Variants in ARSG observed in about 807,000 individuals in gnomAD.
ARSG encodes the protein arylsulfatase G.
In ARSG, 37 loss-of-function variants were observed where a neutral mutation model predicts 50.5. That is an observed-to-expected ratio of 0.73 (90% CI 0.56 to 0.96). The LOEUF (loss-of-function observed/expected upper bound fraction) is 0.96, where lower values mean the gene tolerates loss of function less well. Ranked by LOEUF, ARSG falls within the 50% of genes least tolerant of loss-of-function variation. The pLI is 0.00. For synonymous variants in ARSG, 225 were observed against 254.6 expected (o/e 0.88, Z 1.11); for missense variants, 629 against 675.3 (o/e 0.93, Z 0.76).
At chr17:68,412,183 TG>T (rs1455503044) in intron 11 of ARSG, among the ~76,000 whole-genome samples, 10 of 150,316 alleles carry the variant, frequency 6.7e-5, no homozygotes, top group Non-Finnish European at 1.3e-4. Context: ...CTGGTTATTT[TG>T]CTCGTTAGTT....
rs782217251 is a variant in ARSG at position 68,307,648 on chromosome 17, G to C, written c.155G>C (p.Gly52Ala). The C allele has an allele frequency of 6.2e-7, 1 of 1,612,866 alleles. No homozygotes were observed. Among genetic ancestry groups the C allele is most frequent in the Non-Finnish European group, 8.5e-7 (1 of 1,178,902 alleles). ...LADDMGWGDL[G>A]ANWAETKDTA... ...GATGACATGGGGTGGGGTGACCTGG[G>C]AGCAAACTGGGCAGAAACAAAGGAC... is the stretch of plus-strand genomic sequence containing the variant. Residue 52 changes from glycine to alanine, a missense_variant, in exon 2 of 12, where the codon GGA becomes GCA. Physicochemically the swap from Gly to Ala is moderately conservative, Grantham distance 60. Transcript: ENST00000621439.
rs781944918 is a variant in ARSG, at chr17:68,271,147, A to G, written c.-552+11721A>G. ...TCCGATCCTTCCGAAAACTTCTGCA[A>G]TGGCCATCGTAGATAATAAAAAAGC... On this transcript the variant is annotated intron_variant, in intron 1 of 11. Transcript: ENST00000448504. The surrounding 1 kb of genome is among the most constrained non-coding windows in gnomAD (Gnocchi z 5.3). 1.9e-5 allele frequency: 31 copies of G among 1,614,076 alleles called. No homozygotes were observed. The highest frequency in any genetic ancestry group is 4.5e-5 in the East Asian group (2 of 44,892).
chr17:68,436,519 A>T, the ARSG span: 1 of 1,589,822 alleles, frequency 6.3e-7, no homozygotes, highest in Non-Finnish European at 8.6e-7. Context: ...CCTGGGGCCA[A>T]GGGAGAGATT....
chr17:68,405,254 G>T (rs75716213), intron 11 of ARSG, among the ~76,000 whole-genome samples: 2,372 of 149,542 alleles, frequency 0.016, 74 homozygotes, highest in African/African-American at 0.055. Context: ...GATAAGGATT[G>T]TACTGAACCT....
chr17:68,421,260 AAT>A (rs1555796695), downstream of ARSG: 2 of 153,430 alleles, frequency 1.3e-5, no homozygotes, highest in Non-Finnish European at 2.9e-5. Context: ...GAAACAAAAA[AAT>A]ATATAAAAAC....
intron 2 of ARSG, among the ~76,000 whole-genome samples, chr17:68,340,289 T>TTG (rs140763389): frequency 0.04 from 6,082 of 150,974 alleles, 310 homozygotes; most frequent in South Asian, 0.12. Flanking sequence ...ATTGTTCTTT[T>TTG]TGTGTGTGTG....
intron 6 of ARSG, among the ~76,000 whole-genome samples, chr17:68,358,536 A>G (rs965337108): frequency 6.6e-6 from 1 of 152,034 alleles, no homozygotes; most frequent in African/African-American, 2.4e-5. Flanking sequence ...TAAAAATACA[A>G]AAATTAGCTG....
the ARSG span, among the ~76,000 whole-genome samples, chr17:68,446,954 C>T: frequency 1.3e-5 from 2 of 152,156 alleles, no homozygotes; most frequent in African/African-American, 4.8e-5. Flanking sequence ...ACTCTTAGTT[C>T]GTGTGAGAGC....
intron 1 of ARSG, among the ~76,000 whole-genome samples, chr17:68,259,903 T>C (rs767637407): frequency 2.6e-5 from 4 of 152,152 alleles, no homozygotes; most frequent in Non-Finnish European, 5.9e-5. Context: ...AAGGCTTATT[T>C]CAGGAAAAGG....
chr17:68,337,647 C>A (rs981767625), intron 2 of ARSG, among the ~76,000 whole-genome samples: 1 of 152,018 alleles, frequency 6.6e-6, no homozygotes, highest in African/African-American at 2.4e-5. Flanking sequence ...GGTGGAGTTT[C>A]GCTCTTGTTG....
At chr17:68,422,821 T>C (rs1213210499), downstream of ARSG, 1 of 150,282 alleles carries the variant, frequency 6.7e-6, no homozygotes, top group Non-Finnish European at 1.5e-5. Flanking sequence ...GGGACTAGTC[T>C]CACAAAATAC....
intron 1 of ARSG, among the ~76,000 whole-genome samples, chr17:68,274,760 G>C (rs1427047820): frequency 6.7e-6 from 1 of 149,350 alleles, no homozygotes; most frequent in Non-Finnish European, 1.5e-5. Context: ...CTCCATTTGG[G>C]GTCAGATTCT....
the ARSG span, among the ~76,000 whole-genome samples, chr17:68,439,517 G>C: frequency 6.6e-6 from 1 of 152,084 alleles, no homozygotes; most frequent in Non-Finnish European, 1.5e-5. Flanking sequence ...ACAAGGTTTG[G>C]GGCGATGAAA....
chr17:68,398,214 A>G (rs2081330417), intron 10 of ARSG, among the ~76,000 whole-genome samples: 1 of 152,244 alleles, frequency 6.6e-6, no homozygotes, highest in Admixed American at 6.5e-5. Context: ...ATATAAACAT[A>G]CATATGCATG....
rs545441823 is a variant in ARSG at position 68,399,388 on chromosome 17, C to T, written c.1213-1972C>T. Among the ~76,000 whole-genome samples the T allele has an allele frequency of 6.6e-6, 1 of 152,250 alleles. No individual in the cohort carries two copies. Among genetic ancestry groups the T allele is most frequent in the East Asian group, 1.9e-4 (1 of 5,184 alleles). ...GTGGGACTTAAGGTAAAGGAATGCTCTCGTGCTTAAAAAACAAAACAAGAT... is the reference window on the plus strand; with the variant it reads ...GTGGGACTTAAGGTAAAGGAATGCTTTCGTGCTTAAAAAACAAAACAAGAT... On this transcript the variant is annotated intron_variant, in intron 10 of 11. Transcript: ENST00000621439. This position sits in a 1 kb window ranked among gnomAD's most constrained non-coding sequence, Gnocchi z 4.6.
At chr17:68,444,151 G>A in the ARSG span, among the ~76,000 whole-genome samples, 4 of 152,102 alleles carry the variant, frequency 2.6e-5, no homozygotes, top group South Asian at 2.1e-4. Flanking sequence ...TGTACTGAAC[G>A]AACCACAAAA....
chr17:68,356,530 GA>G, intron 5 of ARSG, 136 bp from the exon 6 acceptor site: 1 of 963,954 alleles, frequency 1.0e-6, no homozygotes, highest in Non-Finnish European at 1.6e-6. Context: ...ACACTTGGAG[GA>G]AATGGCCAAC....
In ARSG at chr17:68,271,339, G is replaced by C; in HGVS notation, c.-552+11913G>C. The stretch of plus-strand genomic sequence containing the variant: ...CGGGGCTTTCTTTTCGCTTGGCCTG[G>C]GGCTGGTCTTCACCAGGACCTGCTG... On this transcript the variant is annotated intron_variant, in intron 1 of 11. Coordinates refer to the ARSG transcript ENST00000448504. The surrounding 1 kb of genome is among the most constrained non-coding windows in gnomAD (Gnocchi z 5.3). The C allele has an allele frequency of 1.2e-6, 2 of 1,614,230 alleles. No homozygotes were observed. Among genetic ancestry groups the C allele is most frequent in the Non-Finnish European group, 1.7e-6 (2 of 1,180,040 alleles).
At chr17:68,376,479 C>T (rs537784122) in intron 8 of ARSG, among the ~76,000 whole-genome samples, 73 of 151,740 alleles carry the variant, frequency 4.8e-4, no homozygotes, top group African/African-American at 1.4e-3. Flanking sequence ...TTTGTAGAGA[C>T]GGGGTCTTGC....
Sources: allele counts gnomAD v4.1 joint callset (sites outside exome capture counted in the v4.1 genomes callset), GRCh38; gene constraint gnomAD v4.1.1; non-coding constraint Gnocchi (gnomAD v3.1); transcripts MANE v1.5; gene names NCBI Gene and HGNC (gene_info 2026-07-23, HGNC 2026-07-21).